LPP: variants seen among roughly 807,000 people sequenced by gnomAD.
LPP encodes the protein LIM domain containing preferred translocation partner in lipoma, also known as lipoma-preferred partner.
Under a neutral mutation model 60.4 loss-of-function variants are expected in LPP, and 38 were observed. The observed-to-expected ratio is 0.63, with a 90% confidence interval of 0.49 to 0.83. The LOEUF (loss-of-function observed/expected upper bound fraction) is 0.83, where lower values mean the gene tolerates loss of function less well. Among genes scored for constraint, LPP ranks in the 40% least tolerant of loss-of-function variants. The probability of loss-of-function intolerance (pLI) is 0.00; values close to 1 mark genes in which losing one functional copy is unlikely to be tolerated. For synonymous variants in LPP, 328 were observed against 290.8 expected, an observed-to-expected ratio of 1.13 and a Z score of -1.30; for missense variants, 902 against 783.6, an observed-to-expected ratio of 1.15 and a Z score of -1.80.
Position 188,610,719 on chromosome 3 carries a change from T to C in LPP, c.1113+875T>C, listed in dbSNP as rs1843528094. ...CATGCCCACTCACCACAACTTGGAT[T>C]TTTCATTAGTACTGGAACCAACACG... On this transcript the variant is annotated intron_variant, in intron 7 of 11. Coordinates refer to ENST00000617246, the MANE Select transcript of LPP (RefSeq NM_001375462.1). This position sits in a 1 kb window ranked among gnomAD's most constrained non-coding sequence, Gnocchi z 4.4. Among the ~76,000 whole-genome samples the C allele has an allele frequency of 6.6e-6, 1 of 152,212 alleles. No individual in the cohort carries two copies. The highest frequency in any genetic ancestry group is 2.1e-4 in the South Asian group (1 of 4,834).
chr3:188,596,578 A>G (rs563606172), intron 6 of LPP, among the ~76,000 whole-genome samples: 82 of 152,272 alleles, frequency 5.4e-4, no homozygotes, highest in South Asian at 1.5e-3. Context: ...ATCGTAATAC[A>G]GTGATCATTA....
intron 7 of LPP, among the ~76,000 whole-genome samples, chr3:188,662,862 A>G (rs924193348): frequency 1.3e-5 from 2 of 152,300 alleles, no homozygotes; most frequent in African/African-American, 4.8e-5. Context: ...CCCTTAGTGA[A>G]TAGCAGATGC....
intron 7 of LPP, among the ~76,000 whole-genome samples, chr3:188,656,761 T>A (rs1171416703): frequency 1.3e-5 from 2 of 152,194 alleles, no homozygotes; most frequent in East Asian, 3.9e-4. Context: ...TGAAGCCTTC[T>A]GGCTTGAAGG....
At chr3:188,394,511 T>C (rs2148722074) in intron 3 of LPP, among the ~76,000 whole-genome samples, 1 of 151,890 alleles carries the variant, frequency 6.6e-6, no homozygotes, top group East Asian at 1.9e-4. Flanking sequence ...TCTGTATTGG[T>C]GAATGTTGGG....
At chr3:188,869,599 C>T (rs760017926) in intron 10 of LPP, among the ~76,000 whole-genome samples, 7 of 152,170 alleles carry the variant, frequency 4.6e-5, no homozygotes, top group East Asian at 1.9e-4. Context: ...CCTTAGTCTG[C>T]GTTTTAAACC....
At chr3:188,741,015 A>G (rs17615467) in intron 8 of LPP, among the ~76,000 whole-genome samples, 10,970 of 152,034 alleles carry the variant, frequency 0.072, 405 homozygotes, top group African/African-American at 0.1. Flanking sequence ...AGGAGAAAAT[A>G]AATTTAAAAA....
chr3:188,565,842 A>G (rs1832007655), intron 6 of LPP, among the ~76,000 whole-genome samples: 1 of 152,040 alleles, frequency 6.6e-6, no homozygotes, highest in South Asian at 2.1e-4. Flanking sequence ...TGGACAATGT[A>G]TAGAAGTTTC....
chr3:188,609,402 A>T lies in LPP; in HGVS notation c.671A>T (p.Gln224Leu), dbSNP rs777556416. 11 of 1,614,168 alleles carry T rather than the reference A, an allele frequency of 6.8e-6. No individual in the cohort carries two copies. The Admixed American group carries it at 1.8e-4, about 27-fold the overall frequency. The stretch of plus-strand genomic sequence containing the variant: ...TCTTCAAGGCCTACCTTTAATGTGC[A>T]GGTGAAGTCAGCCCAGCCCAGCCCT... ...STSSRPTFNV[Q>L]VKSAQPSPHY... The change falls in exon 7 of 12, where the codon CAG (glutamine) becomes CTG (leucine). Residue 224 changes from glutamine (Q) to leucine (L), a missense_variant. Transcript: ENST00000617246. This position sits in a 1 kb window ranked among gnomAD's most constrained non-coding sequence, Gnocchi z 6.9.
At chr3:188,684,328 C>G (rs185709902) in intron 7 of LPP, among the ~76,000 whole-genome samples, 2 of 152,336 alleles carry the variant, frequency 1.3e-5, no homozygotes, top group African/African-American at 4.8e-5. Flanking sequence ...GCTAAATTCT[C>G]TCTTGAACAT....
chr3:188,681,841 GT>G (rs1482978511), intron 7 of LPP, among the ~76,000 whole-genome samples: 4 of 152,298 alleles, frequency 2.6e-5, no homozygotes, highest in African/African-American at 9.6e-5. Flanking sequence ...TAGTATGTAT[GT>G]TTTTAATGTG....
At chr3:188,198,026 G>C (rs1276388502) in intron 1 of LPP, among the ~76,000 whole-genome samples, 1 of 152,138 alleles carries the variant, frequency 6.6e-6, no homozygotes, top group Non-Finnish European at 1.5e-5. Flanking sequence ...AACCTCATTC[G>C]TATACCTGTG....
At chr3:188,793,062 G>A (rs1173982666) in intron 9 of LPP, among the ~76,000 whole-genome samples, 2 of 152,170 alleles carry the variant, frequency 1.3e-5, no homozygotes, top group African/African-American at 4.8e-5. Flanking sequence ...CCCAGCTGTG[G>A]TGGCTGTCAG....
intron 9 of LPP, among the ~76,000 whole-genome samples, chr3:188,801,962 T>C (rs1393749683): frequency 6.6e-6 from 1 of 152,200 alleles, no homozygotes; most frequent in Non-Finnish European, 1.5e-5. Flanking sequence ...GTGTTTTGAT[T>C]TTAGCATATT....
intron 6 of LPP, among the ~76,000 whole-genome samples, chr3:188,545,577 G>A (rs1320847279): frequency 6.6e-6 from 1 of 151,998 alleles, no homozygotes; most frequent in Non-Finnish European, 1.5e-5. Flanking sequence ...CCTCGATTTG[G>A]GTGCAGAGGA....
chr3:188,453,283 AC>A (rs1344469527), intron 4 of LPP, among the ~76,000 whole-genome samples: 1 of 152,084 alleles, frequency 6.6e-6, no homozygotes, highest in Non-Finnish European at 1.5e-5. Context: ...TATCTCTAGG[AC>A]GCCTTTATCT....
intron 7 of LPP, among the ~76,000 whole-genome samples, chr3:188,679,788 G>A (rs1057178537): frequency 6.6e-6 from 1 of 151,992 alleles, no homozygotes; most frequent in Non-Finnish European, 1.5e-5. Context: ...TTCTTATGGG[G>A]CTATTCTAAG....
At chr3:188,365,967 C>T (rs73055547) in intron 3 of LPP, among the ~76,000 whole-genome samples, 1,912 of 152,212 alleles carry the variant, frequency 0.013, 38 homozygotes, top group African/African-American at 0.042. Flanking sequence ...TAACTACAGC[C>T]ACCGCACTGT....
intron 9 of LPP, among the ~76,000 whole-genome samples, chr3:188,835,187 G>A (rs142575864): frequency 2.3e-4 from 35 of 151,852 alleles, no homozygotes; most frequent in Admixed American, 5.3e-4. Flanking sequence ...GGCCAGGCGC[G>A]GTGGCTCACT....
intron 4 of LPP, among the ~76,000 whole-genome samples, chr3:188,427,419 C>G (rs114315012): frequency 6.6e-6 from 1 of 152,254 alleles, no homozygotes; most frequent in Non-Finnish European, 1.5e-5. Flanking sequence ...GTGGGGTAAC[C>G]CAATCTTTCT....
Sources: gnomAD v4.1 joint callset for allele counts (sites outside exome capture counted in the v4.1 genomes callset) on GRCh38, gnomAD v4.1.1 for gene constraint, Gnocchi (gnomAD v3.1) non-coding constraint, MANE v1.5 for transcripts, NCBI Gene and HGNC (gene_info 2026-07-23, HGNC 2026-07-21) for gene names.